Variants in C12orf56 observed in about 807,000 individuals in gnomAD.
The protein encoded by C12orf56 is chromosome 12 open reading frame 56.
A neutral mutation model predicts 69.9 loss-of-function variants in C12orf56; 71 were observed. The observed-to-expected ratio is 1.02, with a 90% CI of 0.84 to 1.24. C12orf56 has a LOEUF of 1.24. C12orf56 is among the 50% of genes most tolerant of loss of function. The probability of loss-of-function intolerance (pLI) is 0.00; values close to 1 mark genes in which losing one functional copy is unlikely to be tolerated. For synonymous variants in C12orf56, 276 were observed against 274.1 expected (o/e 1.01, Z -0.07); for missense variants, 732 against 738.5 (o/e 0.99, Z 0.10).
intron 1 of C12orf56, among the ~76,000 whole-genome samples, chr12:64,381,635 T>C (rs546374027): frequency 5.7e-4 from 87 of 152,320 alleles, no homozygotes; most frequent in African/African-American, 2.0e-3. Context: ...TCTCTTTCAC[T>C]GTCTCAGTTA....
intron 2 of C12orf56, among the ~76,000 whole-genome samples, chr12:64,347,820 T>C (rs11175350): frequency 0.41 from 62,029 of 152,138 alleles, 13,251 homozygotes; most frequent in Non-Finnish European, 0.48. Flanking sequence ...TAAAGATTAT[T>C]GGCAAAATGC....
In C12orf56 at chr12:64,266,853, C is replaced by A. The variant is rs924948119; in HGVS notation, c.*330G>T. The A allele has an allele frequency of 1.5e-5, 5 of 323,610 alleles. No individual in the cohort carries two copies. In the South Asian group the frequency reaches 3.5e-4, roughly 23 times the overall value. The allele number at this position is 323,610 out of a possible 1,614,324, so 20.0% of individuals were successfully genotyped here. A position where few individuals can be genotyped will look rare whatever the true frequency, so the allele number is the denominator to read the frequency against. On this transcript the variant is annotated 3_prime_UTR_variant, in exon 13 of 13. Transcript: ENST00000543942. ...TGGAAGAGAAGTGAGTACAGCTTTC[C>A]TAAATCCCTGCATTCCTTTTTCCTG...
intron 1 of C12orf56, among the ~76,000 whole-genome samples, chr12:64,367,753 C>T (rs950493286): frequency 4.6e-5 from 7 of 151,420 alleles, no homozygotes; most frequent in South Asian, 4.2e-4. Context: ...ATCCACCTGC[C>T]GCAGCCTCCC....
At chr12:64,366,814 A>G (rs1281437160) in intron 1 of C12orf56, among the ~76,000 whole-genome samples, 1 of 93,512 alleles carries the variant, frequency 1.1e-5, no homozygotes, top group Non-Finnish European at 1.9e-5. Flanking sequence ...ATTATATATA[A>G]CATACAGTTT....
intron 1 of C12orf56, among the ~76,000 whole-genome samples, chr12:64,357,903 AAAAAAGAAAAAG>A (rs373162011): frequency 1.3e-5 from 2 of 150,324 alleles, no homozygotes; most frequent in Admixed American, 1.3e-4. Context: ...CCATCTCAAA[AAAAAAGAAAAAG>A]AAAAAGAAAA....
chr12:64,275,218 T>C (rs778272832), intron 10 of C12orf56, 80 bp downstream of exon 10: 8 of 703,050 alleles, frequency 1.1e-5, no homozygotes, highest in Non-Finnish European at 1.8e-5. Flanking sequence ...TCACATAATA[T>C]ACATATATCA....
In C12orf56 at chr12:64,266,123, G is replaced by A. The variant is rs1465121531; in HGVS notation, c.*1060C>T. Reference sequence around the variant, plus strand: ...GTCACTAGAATTTGTATAGGTGGAGGAGGAGGGTGTCATCCTATTGCTCAG... The same window carrying A: ...GTCACTAGAATTTGTATAGGTGGAGAAGGAGGGTGTCATCCTATTGCTCAG... On this transcript the variant is annotated 3_prime_UTR_variant, in exon 13 of 13. Coordinates refer to ENST00000543942, the MANE Select transcript of C12orf56 (RefSeq NM_001170633.2). The A allele has an allele frequency of 6.6e-6, 1 of 152,264 alleles. No homozygotes were observed. Among genetic ancestry groups the A allele is most frequent in the Non-Finnish European group, 1.5e-5 (1 of 68,084 alleles). 9.4% of individuals were successfully genotyped at this position (152,264 alleles called of 1,614,324 possible). A position where few individuals can be genotyped will look rare whatever the true frequency, so the allele number is the denominator to read the frequency against.
chr12:64,374,384 T>C (rs2039613134), intron 1 of C12orf56, among the ~76,000 whole-genome samples: 1 of 152,196 alleles, frequency 6.6e-6, no homozygotes, highest in African/African-American at 2.4e-5. Context: ...GACACCAGTC[T>C]GGGCTTTGAA....
rs534106623 is a variant in C12orf56 at position 64,314,937 on chromosome 12, C to CT, written c.895-2186dup. Reference sequence around the variant, plus strand: ...GGAGTGAGCCACCGCATCCGGCCAGCTTTTTTTTTTTTTTTTTTTTTTTTT... The same window carrying CT: ...GGAGTGAGCCACCGCATCCGGCCAGCTTTTTTTTTTTTTTTTTTTTTTTTTT... On this transcript the variant is annotated intron_variant, in intron 4 of 12. Coordinates refer to ENST00000543942, the MANE Select transcript of C12orf56 (RefSeq NM_001170633.2). Among the ~76,000 whole-genome samples the CT allele has an allele frequency of 2.9e-4, 13 of 44,596 alleles. 3 individuals carry two copies. Among genetic ancestry groups the CT allele is most frequent in the African/African-American group, 1.2e-3 (13 of 10,408 alleles). The allele number at this position is 44,596 out of a possible 152,430, so 29.3% of individuals were successfully genotyped here. A position where few individuals can be genotyped will look rare whatever the true frequency, so the allele number is the denominator to read the frequency against.
At chr12:64,328,679 C>CAAAAAAAAAAAAAAAAAAA (rs59688148) in intron 3 of C12orf56, among the ~76,000 whole-genome samples, 1 of 57,908 alleles carries the variant, frequency 1.7e-5, no homozygotes, top group Non-Finnish European at 3.1e-5. Flanking sequence ...GACTCCATCT[C>CAAAAAAAAAAAAAAAAAAA]AAAAAAAAAA....
At chr12:64,312,641 T>A in intron 5 of C12orf56, 38 bp downstream of exon 5, 1 of 1,438,722 alleles carries the variant, frequency 7.0e-7, no homozygotes, top group Non-Finnish European at 9.4e-7. Context: ...GAGAGAAAAA[T>A]TCCCCATGCA....
At chr12:64,349,514 C>T (rs2039193112) in intron 2 of C12orf56, among the ~76,000 whole-genome samples, 1 of 152,212 alleles carries the variant, frequency 6.6e-6, no homozygotes, top group Admixed American at 6.5e-5. Flanking sequence ...TGCTGGACAT[C>T]TACCCAGTGG....
In C12orf56 at chr12:64,266,738, A is replaced by G; in HGVS notation, c.*445T>C. 1 of 363,892 alleles carries G rather than the reference A, an allele frequency of 2.7e-6. No individual in the cohort carries two copies. Among genetic ancestry groups the G allele is most frequent in the South Asian group, 1.0e-4 (1 of 9,904 alleles). 22.5% of individuals were successfully genotyped at this position (363,892 alleles called of 1,614,324 possible). The stretch of plus-strand genomic sequence containing the variant: ...AGAAGAACTTGAATGCCCATGCCTC[A>G]GGCCCCCACACTCCCCGGCATCCTA... On this transcript the variant is annotated 3_prime_UTR_variant, in exon 13 of 13. Coordinates refer to ENST00000543942, the MANE Select transcript of C12orf56 (RefSeq NM_001170633.2).
At chr12:64,295,768 A>C (rs1271656169) in intron 6 of C12orf56, among the ~76,000 whole-genome samples, 8 of 151,392 alleles carry the variant, frequency 5.3e-5, no homozygotes, top group African/African-American at 9.7e-5. Flanking sequence ...GCCTCAATAA[A>C]GTTCATTTTA....
At chr12:64,298,650 T>A (rs953980173) in intron 6 of C12orf56, among the ~76,000 whole-genome samples, 1 of 152,080 alleles carries the variant, frequency 6.6e-6, no homozygotes, top group African/African-American at 2.4e-5. Context: ...CCTTTCCCCA[T>A]TGCTTGTTTG....
At chr12:64,340,164 G>C (rs2039056648) in intron 2 of C12orf56, among the ~76,000 whole-genome samples, 1 of 152,224 alleles carries the variant, frequency 6.6e-6, no homozygotes, top group African/African-American at 2.4e-5. Flanking sequence ...GAAGCATCCA[G>C]CACAGGAGAA....
At chr12:64,382,601 A>G (rs2039733965) in intron 1 of C12orf56, among the ~76,000 whole-genome samples, 2 of 151,994 alleles carry the variant, frequency 1.3e-5, no homozygotes, top group African/African-American at 4.8e-5. Context: ...ATGGCTGGGC[A>G]CGGTGGCTCA....
intron 3 of C12orf56, among the ~76,000 whole-genome samples, chr12:64,330,694 T>C (rs1347882862): frequency 6.6e-6 from 1 of 152,220 alleles, no homozygotes; most frequent in Non-Finnish European, 1.5e-5. Flanking sequence ...ACAGATGTCT[T>C]TGAATTTAAT....
chr12:64,339,924 G>A (rs1038763014), intron 2 of C12orf56, among the ~76,000 whole-genome samples: 6 of 151,968 alleles, frequency 3.9e-5, no homozygotes, highest in Admixed American at 6.6e-5. Flanking sequence ...ATGTGTCCAG[G>A]TGGATATGAT....
Sources: gnomAD v4.1 joint callset for allele counts (sites outside exome capture counted in the v4.1 genomes callset) on GRCh38, gnomAD v4.1.1 for gene constraint, MANE v1.5 for transcripts, NCBI Gene and HGNC (gene_info 2026-07-23, HGNC 2026-07-21) for gene names.